DOCK10: variants seen among roughly 807,000 people sequenced by gnomAD.
DOCK10 encodes the protein dedicator of cytokinesis protein 10.
In DOCK10, 145 loss-of-function variants were observed where a neutral mutation model predicts 280.1. That is an observed-to-expected ratio of 0.52 (90% CI 0.45 to 0.59). DOCK10 has a LOEUF of 0.59. DOCK10 is among the 20% of genes least tolerant of loss of function. DOCK10 has a pLI of 0.00. For missense variants in DOCK10, 2,368 were observed against 2,651.7 expected, an observed-to-expected ratio of 0.89 and a Z score of 2.35; for synonymous variants, 915 against 942.2, an observed-to-expected ratio of 0.97 and a Z score of 0.53.
In DOCK10 at chr2:224,898,700, C is replaced by T. The variant is rs550058466; in HGVS notation, c.334-2323G>A. ...CACACCATTCTCCTGCCTCCGCCTC[C>T]GGAGTAGCCAGGACTACAGGTGCCC... On this transcript the variant is annotated intron_variant, in intron 3 of 55. Coordinates refer to ENST00000258390, the MANE Select transcript of DOCK10 (RefSeq NM_014689.3). Among the ~76,000 whole-genome samples the T allele has an allele frequency of 4.6e-5, 7 of 152,306 alleles. No individual in the cohort carries two copies. The East Asian group carries it at 1.2e-3, about 25-fold the overall frequency.
intron 3 of DOCK10, among the ~76,000 whole-genome samples, chr2:224,912,037 G>A (rs185597962): frequency 1.2e-3 from 180 of 152,192 alleles, no homozygotes; most frequent in South Asian, 1.5e-3. Context: ...AGTCTTTTAG[G>A]TATTTATCTA....
rs143313630 is a variant in DOCK10, at chr2:224,977,719, A to G, written c.124-46051T>C. ...CGTAACAGGCCATTGTAATGGTCTC[A>G]GATGTCAGGATTCATGTGTTTCTTT... is the stretch of plus-strand genomic sequence containing the variant. On this transcript the variant is annotated intron_variant, in intron 1 of 55. Coordinates refer to ENST00000258390, the MANE Select transcript of DOCK10 (RefSeq NM_014689.3). Among the ~76,000 whole-genome samples the G allele has an allele frequency of 8.6e-3, 1,312 of 152,326 alleles. 19 individuals carry two copies. The highest frequency in any genetic ancestry group is 0.028 in the African/African-American group (1,164 of 41,568).
chr2:225,019,789 T>C (rs1689737522), intron 1 of DOCK10, among the ~76,000 whole-genome samples: 1 of 152,158 alleles, frequency 6.6e-6, no homozygotes, highest in Non-Finnish European at 1.5e-5. Context: ...AATGTTCGGT[T>C]CTCATTATAC....
At chr2:224,878,552 G>C (rs992358189) in intron 7 of DOCK10, among the ~76,000 whole-genome samples, 1 of 152,170 alleles carries the variant, frequency 6.6e-6, no homozygotes, top group African/African-American at 2.4e-5. Context: ...ACAACAAAGG[G>C]GCATCTGTGG....
chr2:224,983,921 A>G, intron 1 of DOCK10: 1 of 469,140 alleles, frequency 2.1e-6, no homozygotes, highest in South Asian at 1.6e-5. Flanking sequence ...TACTCTAAAC[A>G]ACTAGGGCAT....
At chr2:224,874,545 G>T (rs765875629) in intron 9 of DOCK10, 121 bp downstream of exon 9, 49 of 1,048,000 alleles carry the variant, frequency 4.7e-5, no homozygotes, top group Non-Finnish European at 6.5e-5. Flanking sequence ...AGGTTAACGG[G>T]AAGTTCCAAA....
rs1330163404 is a variant in DOCK10 at position 224,770,618 on chromosome 2, G to A, written c.6232C>T (p.Arg2078Ter). The change falls in exon 54 of 56, where the codon CGA (arginine) becomes TGA (stop). Residue 2078 changes from arginine to a stop codon, truncating the protein, a stop_gained. Transcript: ENST00000258390. LOFTEE classifies it high-confidence loss of function. The surrounding 1 kb of genome is among the most constrained non-coding windows in gnomAD (Gnocchi z 4.5). ...KVNAGPMAYA[R>*]AFLEETNAKK... is the part of the protein sequence containing the mutation. ...GCATTGGTTTCTTCAAGAAAAGCTCGTGCATAGGCCATTGGCCCAGCATTA... is the reference window on the plus strand; with the variant it reads ...GCATTGGTTTCTTCAAGAAAAGCTCATGCATAGGCCATTGGCCCAGCATTA... The A allele has an allele frequency of 8.7e-6, 14 of 1,613,758 alleles. No homozygotes were observed. Among genetic ancestry groups the A allele is most frequent in the African/African-American group, 4.0e-5 (3 of 74,936 alleles).
intron 1 of DOCK10, among the ~76,000 whole-genome samples, chr2:225,035,619 T>G (rs1690237828): frequency 8.0e-6 from 1 of 125,626 alleles, no homozygotes; most frequent in Non-Finnish European, 1.6e-5. Flanking sequence ...GTGTGTTGTA[T>G]TAGTCAGTGC....
chr2:224,810,499 T>G (rs1176270382), intron 31 of DOCK10, among the ~76,000 whole-genome samples: 1 of 152,118 alleles, frequency 6.6e-6, no homozygotes, highest in Non-Finnish European at 1.5e-5. Flanking sequence ...TTATTATTAT[T>G]ATACTTTAAG....
chr2:224,874,624 T>G lies in DOCK10; in HGVS notation c.1017+42A>C, dbSNP rs747894186. On this transcript the variant is annotated intron_variant, in intron 9 of 55. Transcript: ENST00000258390. ...TTCCATGAAAGCAATAACTAACAAA[T>G]AATTCAAATTGGTTTTGCAAGTACA... 8 of 1,544,064 alleles carry G rather than the reference T, an allele frequency of 5.2e-6. No homozygotes were observed. In the East Asian group the frequency reaches 1.8e-4, roughly 35 times the overall value.
chr2:224,888,096 T>C (rs540100665), intron 4 of DOCK10, among the ~76,000 whole-genome samples: 14 of 152,296 alleles, frequency 9.2e-5, no homozygotes, highest in African/African-American at 3.4e-4. Context: ...CGCCAGCTTA[T>C]AAAGATATCT....
chr2:224,849,923 A>G (rs1384564784), intron 18 of DOCK10, among the ~76,000 whole-genome samples: 1 of 152,212 alleles, frequency 6.6e-6, no homozygotes, highest in Non-Finnish European at 1.5e-5. Context: ...TCACATGCCT[A>G]GCAAAAAGGA....
In DOCK10 at chr2:224,777,788, G is replaced by A. The variant is rs140154613; in HGVS notation, c.5802+350C>T. 1.3e-3 allele frequency among the ~76,000 whole-genome samples: 200 copies of A among 152,196 alleles called. 1 individual carries two copies. Among genetic ancestry groups the A allele is most frequent in the Middle Eastern group, 6.8e-3 (2 of 294 alleles). ...TCCTCTAGAGAACCCTGACTAATACGCCTGGGAAGACTTCCTTAACTGAAT... is the reference window on the plus strand; with the variant it reads ...TCCTCTAGAGAACCCTGACTAATACACCTGGGAAGACTTCCTTAACTGAAT... On this transcript the variant is annotated intron_variant, in intron 51 of 55. Transcript: ENST00000258390.
intron 1 of DOCK10, among the ~76,000 whole-genome samples, chr2:224,935,133 A>G (rs1575081512): frequency 6.6e-6 from 1 of 152,208 alleles, no homozygotes. Context: ...CTGAATGCCA[A>G]GACGATTATC....
intron 50 of DOCK10, among the ~76,000 whole-genome samples, chr2:224,783,337 C>T (rs1207133547): frequency 3.3e-5 from 5 of 151,108 alleles, no homozygotes; most frequent in Admixed American, 6.6e-5. Flanking sequence ...TGCAGTGGCA[C>T]GATCTTGGCT....
chr2:224,863,137 A>G (rs772042883), intron 13 of DOCK10, among the ~76,000 whole-genome samples: 3 of 152,250 alleles, frequency 2.0e-5, no homozygotes, highest in Admixed American at 6.5e-5. Flanking sequence ...AGAGTCATAT[A>G]GTAAACACAA....
chr2:224,965,929 A>G (rs1464873617), intron 1 of DOCK10, among the ~76,000 whole-genome samples: 4 of 152,238 alleles, frequency 2.6e-5, no homozygotes, highest in Admixed American at 2.6e-4. Flanking sequence ...CGTCTCTTAT[A>G]TACAAAAATG....
Position 224,866,829 on chromosome 2 carries a change from G to C in DOCK10, c.1258-1742C>G, listed in dbSNP as rs75578746. On this transcript the variant is annotated intron_variant, in intron 11 of 55. Coordinates refer to ENST00000258390, the MANE Select transcript of DOCK10 (RefSeq NM_014689.3). ...TGAAATTGTCCCAGATTTGGCTAGA[G>C]GCACTCATTCAAGGTAACTTCTGGG... is the stretch of plus-strand genomic sequence containing the variant. 3.1e-4 allele frequency among the ~76,000 whole-genome samples: 47 copies of C among 152,230 alleles called. No individual in the cohort carries two copies. The East Asian group carries it at 5.6e-3, about 18-fold the overall frequency.
intron 1 of DOCK10, among the ~76,000 whole-genome samples, chr2:224,965,099 A>G (rs1343199457): frequency 1.3e-5 from 2 of 152,240 alleles, no homozygotes; most frequent in Non-Finnish European, 2.9e-5. Flanking sequence ...TCAGCAATGA[A>G]TAGGGTTGAT....
Sources: gnomAD v4.1 joint callset for allele counts (sites outside exome capture counted in the v4.1 genomes callset) on GRCh38, gnomAD v4.1.1 for gene constraint, Gnocchi (gnomAD v3.1) non-coding constraint, MANE v1.5 for transcripts, NCBI Gene and HGNC (gene_info 2026-07-23, HGNC 2026-07-21) for gene names.